Variants in SLC35D4 observed in about 807,000 individuals in gnomAD.
SLC35D4 encodes UDP-N-acetylglucosamine transporter SLC35D4.
At chr18:23,279,118 T>C in the SLC35D4 span, among the ~76,000 whole-genome samples, 1 of 152,180 alleles carries the variant, frequency 6.6e-6, no homozygotes, top group Admixed American at 6.5e-5. Context: ...TCAGGCTCCT[T>C]CAGCTTCTGC....
At chr18:23,431,974 C>T in the SLC35D4 span, among the ~76,000 whole-genome samples, 2 of 152,166 alleles carry the variant, frequency 1.3e-5, no homozygotes, top group Non-Finnish European at 2.9e-5. Context: ...GATTAGTCCA[C>T]ACAGAATTCC....
chr18:23,248,125 C>T, the SLC35D4 span, among the ~76,000 whole-genome samples: 26 of 152,352 alleles, frequency 1.7e-4, no homozygotes, highest in Admixed American at 5.2e-4. Flanking sequence ...CCTCCAGAGC[C>T]GCAGGCTGAG....
chr18:23,437,708 C>T, the SLC35D4 span: 3 of 1,491,304 alleles, frequency 2.0e-6, no homozygotes, highest in South Asian at 2.4e-5. Context: ...GAGGAGGCTC[C>T]GTTTGTCACG....
the SLC35D4 span, among the ~76,000 whole-genome samples, chr18:23,363,438 G>T: frequency 1.5e-5 from 2 of 131,912 alleles, no homozygotes; most frequent in East Asian, 2.5e-4. Flanking sequence ...GCAGTGAGGC[G>T]ATCTCAGCTC....
chr18:23,335,163 G>A, the SLC35D4 span, among the ~76,000 whole-genome samples: 1 of 152,118 alleles, frequency 6.6e-6, no homozygotes, highest in Non-Finnish European at 1.5e-5. Context: ...ACAAGTCTGA[G>A]GAGGCATCCG....
At chr18:23,350,669 A>G in the SLC35D4 span, among the ~76,000 whole-genome samples, 4 of 152,282 alleles carry the variant, frequency 2.6e-5, no homozygotes, top group East Asian at 5.8e-4. Context: ...AAAGAGGACT[A>G]TCAACTCAAG....
the SLC35D4 span, among the ~76,000 whole-genome samples, chr18:23,239,438 G>A: frequency 2.6e-5 from 4 of 152,262 alleles, no homozygotes; most frequent in East Asian, 3.9e-4. Flanking sequence ...CAGAATTCTC[G>A]TCTAAGTTCT....
the SLC35D4 span, chr18:23,309,680 C>T: frequency 6.2e-7 from 1 of 1,613,940 alleles, no homozygotes; most frequent in Non-Finnish European, 8.5e-7. Context: ...AAAGACTTAC[C>T]ATCCCGTGGT....
At chr18:23,382,931 G>A in the SLC35D4 span, among the ~76,000 whole-genome samples, 1 of 152,228 alleles carries the variant, frequency 6.6e-6, no homozygotes, top group African/African-American at 2.4e-5. Flanking sequence ...ACTGAACTAG[G>A]GCGGCAGCAG....
chr18:23,421,670 TC>T, the SLC35D4 span, among the ~76,000 whole-genome samples: 2 of 147,562 alleles, frequency 1.4e-5, no homozygotes, highest in African/African-American at 5.0e-5. Flanking sequence ...GACATTCTTC[TC>T]CTCTTTTTTT....
At chr18:23,275,209 T>C in the SLC35D4 span, among the ~76,000 whole-genome samples, 127 of 152,160 alleles carry the variant, frequency 8.3e-4, no homozygotes, top group African/African-American at 3.0e-3. Context: ...ATGTTCTGCC[T>C]TCTCCTCACT....
At chr18:23,398,252 A>G in the SLC35D4 span, among the ~76,000 whole-genome samples, 1 of 152,238 alleles carries the variant, frequency 6.6e-6, no homozygotes, top group Non-Finnish European at 1.5e-5. Flanking sequence ...GAAGCCTATG[A>G]AAAAAAGCAC....
chr18:23,310,939 G>C, the SLC35D4 span, among the ~76,000 whole-genome samples: 1 of 152,112 alleles, frequency 6.6e-6, no homozygotes, highest in African/African-American at 2.4e-5. Context: ...GTCCTCAGGG[G>C]CAATAAAGAA....
At chr18:23,240,179 G>A in the SLC35D4 span, among the ~76,000 whole-genome samples, 7 of 152,154 alleles carry the variant, frequency 4.6e-5, no homozygotes, top group South Asian at 1.5e-3. Flanking sequence ...GGCCCCAGGG[G>A]GTAGGCCTCA....
the SLC35D4 span, among the ~76,000 whole-genome samples, chr18:23,247,978 C>T: frequency 4.6e-5 from 7 of 152,244 alleles, no homozygotes; most frequent in Non-Finnish European, 1.5e-5. Flanking sequence ...TTGGATTTTT[C>T]CCCGCCTCTC....
chr18:23,245,503 CAAAAAAA>C, the SLC35D4 span, among the ~76,000 whole-genome samples: 2 of 94,570 alleles, frequency 2.1e-5, no homozygotes, highest in African/African-American at 7.6e-5. Flanking sequence ...CATCCTGTCT[CAAAAAAA>C]AAAAAAAAAA....
At chr18:23,356,255 C>G in the SLC35D4 span, among the ~76,000 whole-genome samples, 3 of 152,156 alleles carry the variant, frequency 2.0e-5, no homozygotes, top group Non-Finnish European at 2.9e-5. This position sits in a 1 kb window ranked among gnomAD's most constrained non-coding sequence, Gnocchi z 4.1. Flanking sequence ...TGAACTGGAT[C>G]CATTTCATCA....
the SLC35D4 span, chr18:23,377,647 T>C: frequency 1.9e-6 from 3 of 1,580,274 alleles, no homozygotes; most frequent in East Asian, 2.3e-5. Flanking sequence ...TAAACTTACC[T>C]ACAGATCTTT....
At chr18:23,264,856 G>T in the SLC35D4 span, among the ~76,000 whole-genome samples, 6 of 150,932 alleles carry the variant, frequency 4.0e-5, no homozygotes, top group Non-Finnish European at 7.4e-5. Context: ...TGTTGCTCAG[G>T]CTGGTTTCAA....
Sources: allele counts gnomAD v4.1 joint callset (sites outside exome capture counted in the v4.1 genomes callset), GRCh38; gene constraint gnomAD v4.1.1; non-coding constraint Gnocchi (gnomAD v3.1); transcripts MANE v1.5; gene names NCBI Gene and HGNC (gene_info 2026-07-23, HGNC 2026-07-21).